The following CAMK1D variants were observed in gnomAD, a reference collection of about 807,000 sequenced individuals.
CAMK1D encodes calcium/calmodulin-dependent protein kinase type 1D.
Under a neutral mutation model 47.7 loss-of-function variants are expected in CAMK1D, and 9 were observed. The observed-to-expected ratio is 0.19, with a 90% CI of 0.11 to 0.33. The LOEUF is 0.33. CAMK1D is among the 10% of genes least tolerant of loss of function. The probability of loss-of-function intolerance (pLI) is 1.00; values close to 1 mark genes in which losing one functional copy is unlikely to be tolerated. For missense variants in CAMK1D, 291 were observed against 488.7 expected (o/e 0.60, Z 3.81); for synonymous variants, 184 against 184.9 (o/e 0.99, Z 0.04).
At chr10:12,404,112 C>G (rs1338756588) in intron 1 of CAMK1D, among the ~76,000 whole-genome samples, 2 of 151,414 alleles carry the variant, frequency 1.3e-5, no homozygotes, top group Admixed American at 1.3e-4. Flanking sequence ...ATGGTGTGAT[C>G]TCACCTCACC....
chr10:12,724,498 C>G (rs1380363947), intron 3 of CAMK1D, among the ~76,000 whole-genome samples: 2 of 152,078 alleles, frequency 1.3e-5, no homozygotes, highest in African/African-American at 2.4e-5. Context: ...TTTACTACAC[C>G]CATCACTCTG....
intron 5 of CAMK1D, among the ~76,000 whole-genome samples, chr10:12,773,789 C>T (rs771111216): frequency 8.5e-5 from 13 of 152,160 alleles, no homozygotes; most frequent in Non-Finnish European, 1.6e-4. Context: ...AGCCTCCCTA[C>T]TCAGGAGGCT....
chr10:12,693,936 TATAAA>T (rs1833040829), intron 3 of CAMK1D, among the ~76,000 whole-genome samples: 1 of 90,582 alleles, frequency 1.1e-5, no homozygotes, highest in African/African-American at 4.4e-5. Flanking sequence ...ATATAACATA[TATAAA>T]ATATATAATA....
At chr10:12,523,081 G>C (rs923171683) in intron 1 of CAMK1D, among the ~76,000 whole-genome samples, 3 of 150,588 alleles carry the variant, frequency 2.0e-5, no homozygotes, top group Admixed American at 6.6e-5. Flanking sequence ...GGCGGCTGCC[G>C]GGTGGAGGGG....
intron 1 of CAMK1D, among the ~76,000 whole-genome samples, chr10:12,487,900 G>A (rs140382171): frequency 8.5e-5 from 13 of 152,302 alleles, no homozygotes; most frequent in African/African-American, 2.4e-4. Context: ...TTGTTAAATA[G>A]ACATGGGTTC....
chr10:12,436,971 C>T (rs968253643), intron 1 of CAMK1D, among the ~76,000 whole-genome samples: 1 of 152,076 alleles, frequency 6.6e-6, no homozygotes, highest in Non-Finnish European at 1.5e-5. Flanking sequence ...AGGGGCAGGG[C>T]GCAGATCAGG....
At chr10:12,758,346 T>C (rs1303225493) in intron 3 of CAMK1D, among the ~76,000 whole-genome samples, 1 of 125,990 alleles carries the variant, frequency 7.9e-6, no homozygotes, top group Non-Finnish European at 1.7e-5. Context: ...GCAGATTTAA[T>C]ATATTTTTAT....
intron 1 of CAMK1D, among the ~76,000 whole-genome samples, chr10:12,396,547 C>A (rs912329367): frequency 6.6e-6 from 1 of 152,204 alleles, no homozygotes; most frequent in African/African-American, 2.4e-5. Flanking sequence ...TCCAGGCCCT[C>A]TGTGATGTAA....
chr10:12,774,688 G>A (rs1837198240), intron 5 of CAMK1D, among the ~76,000 whole-genome samples: 3 of 152,228 alleles, frequency 2.0e-5, no homozygotes, highest in Admixed American at 2.0e-4. Flanking sequence ...ACAGCAGGAA[G>A]TGAGAGGCAG....
At chr10:12,732,617 A>G (rs901592476) in intron 3 of CAMK1D, among the ~76,000 whole-genome samples, 1 of 151,848 alleles carries the variant, frequency 6.6e-6, no homozygotes, top group Non-Finnish European at 1.5e-5. Flanking sequence ...AGATTTATTC[A>G]CCATCAGGAG....
intron 1 of CAMK1D, among the ~76,000 whole-genome samples, chr10:12,547,378 T>A (rs1836415040): frequency 6.6e-6 from 1 of 152,176 alleles, no homozygotes; most frequent in African/African-American, 2.4e-5. Flanking sequence ...CAGTGCAAGC[T>A]GTGCCCAGAC....
At position 12,587,494 on chromosome 10, in the gene CAMK1D, G is replaced by A. The variant is rs143209341; in HGVS notation, c.224+34138G>A. 1.1e-3 allele frequency among the ~76,000 whole-genome samples: 164 copies of A among 151,800 alleles called. 2 individuals carry two copies. The highest frequency in any genetic ancestry group is 3.6e-3 in the African/African-American group (150 of 41,338). On this transcript the variant is annotated intron_variant, in intron 2 of 10. Coordinates refer to ENST00000619168, the MANE Select transcript of CAMK1D (RefSeq NM_153498.4). Reference sequence around the variant, plus strand: ...TTGGCGGCATGTTAAAACCACCTGGGTCTATTCCAGATGGATTAAATCAGG... The same window carrying A: ...TTGGCGGCATGTTAAAACCACCTGGATCTATTCCAGATGGATTAAATCAGG...
At chr10:12,738,284 A>C (rs897674528) in intron 3 of CAMK1D, among the ~76,000 whole-genome samples, 3 of 152,262 alleles carry the variant, frequency 2.0e-5, no homozygotes, top group African/African-American at 7.2e-5. Context: ...TTGTGTAACT[A>C]GTGAACAAGA....
intron 2 of CAMK1D, among the ~76,000 whole-genome samples, chr10:12,664,450 T>C (rs541082018): frequency 6.6e-6 from 1 of 152,340 alleles, no homozygotes; most frequent in Non-Finnish European, 1.5e-5. Flanking sequence ...TTTAATTCTC[T>C]ATCCCGTGTA....
intron 3 of CAMK1D, among the ~76,000 whole-genome samples, chr10:12,674,995 C>A (rs1274247114): frequency 6.9e-6 from 1 of 145,442 alleles, no homozygotes; most frequent in African/African-American, 2.6e-5. Flanking sequence ...CACACCACTG[C>A]ACTCCAGCCT....
intron 1 of CAMK1D, among the ~76,000 whole-genome samples, chr10:12,397,109 C>T (rs1838990625): frequency 1.3e-5 from 2 of 152,184 alleles, no homozygotes; most frequent in South Asian, 4.1e-4. Context: ...CTGTACCTTT[C>T]AGCTGCCTTA....
intron 1 of CAMK1D, among the ~76,000 whole-genome samples, chr10:12,496,651 C>G (rs998399713): frequency 2.0e-5 from 3 of 152,188 alleles, no homozygotes; most frequent in Admixed American, 2.0e-4. Flanking sequence ...AGCTTGGAGT[C>G]TCTGTGACAA....
At chr10:12,602,903 T>TATTATTATTATTATC (rs1838346489) in intron 2 of CAMK1D, among the ~76,000 whole-genome samples, 2 of 145,788 alleles carry the variant, frequency 1.4e-5, no homozygotes, top group Admixed American at 1.4e-4. Flanking sequence ...TTGTTATTAT[T>TATTATTATTATTATC]ATTATTATTA....
intron 3 of CAMK1D, among the ~76,000 whole-genome samples, chr10:12,692,601 CA>C (rs1309126943): frequency 6.6e-6 from 1 of 151,882 alleles, no homozygotes; most frequent in African/African-American, 2.4e-5. Context: ...TGACTTCATA[CA>C]AATAAAAGAA....
Sources: allele counts gnomAD v4.1 joint callset (sites outside exome capture counted in the v4.1 genomes callset), GRCh38; gene constraint gnomAD v4.1.1; transcripts MANE v1.5; gene names NCBI Gene and HGNC (gene_info 2026-07-23, HGNC 2026-07-21).